LCORL: variants seen among roughly 807,000 people sequenced by gnomAD.
The protein encoded by LCORL is ligand dependent nuclear receptor corepressor like, also known as ligand-dependent nuclear receptor corepressor-like protein.
A neutral mutation model predicts 141.8 loss-of-function variants in LCORL; 41 were observed. The ratio of observed to expected loss-of-function variants is 0.29; its 90% CI spans 0.23 to 0.38. The LOEUF is 0.38. Ranked by LOEUF, LCORL falls within the 10% of genes least tolerant of loss-of-function variation. The pLI, the probability that LCORL is intolerant of heterozygous loss-of-function variation, is 1.00. For synonymous variants in LCORL, 618 were observed against 694.1 expected (o/e 0.89, Z 1.72); for missense variants, 1,759 against 2,035.0 (o/e 0.86, Z 2.61).
At chr4:17,888,326 AG>A (rs1412806984) in intron 5 of LCORL, among the ~76,000 whole-genome samples, 1 of 152,044 alleles carries the variant, frequency 6.6e-6, no homozygotes, top group Non-Finnish European at 1.5e-5. Context: ...TATTAAATAC[AG>A]TTTATTGCCC....
At position 18,014,753 on chromosome 4, in the gene LCORL, A is replaced by T. The variant is rs141364125; in HGVS notation, c.154+6845T>A. 2.4e-4 allele frequency among the ~76,000 whole-genome samples: 36 copies of T among 152,348 alleles called. 1 individual carries two copies. Among genetic ancestry groups the T allele is most frequent in the African/African-American group, 8.4e-4 (35 of 41,584 alleles). Reference sequence around the variant, plus strand: ...AAAGTGGTATTCTTCAAATACAAAGATGGCATTAGTTTGTTAATCAGTTTT... The same window carrying T: ...AAAGTGGTATTCTTCAAATACAAAGTTGGCATTAGTTTGTTAATCAGTTTT... On this transcript the variant is annotated intron_variant, in intron 1 of 7. Coordinates refer to ENST00000635767, the Ensembl canonical transcript of LCORL.
At chr4:17,972,620 A>G (rs575967421) in intron 2 of LCORL, among the ~76,000 whole-genome samples, 200 bp downstream of exon 2, 5 of 151,774 alleles carry the variant, frequency 3.3e-5, no homozygotes, top group African/African-American at 9.6e-5. Flanking sequence ...TTTATTTTCT[A>G]TTTTGATTTA....
chr4:17,955,577 T>C (rs4057984), intron 4 of LCORL, among the ~76,000 whole-genome samples: 36,094 of 151,956 alleles, frequency 0.24, 5,472 homozygotes, highest in African/African-American at 0.43. Context: ...GATTGTTCTA[T>C]AAAAAGGAAG....
exon 7 of LCORL, chr4:17,877,560 G>A: frequency 8.1e-7 from 1 of 1,230,524 alleles, no homozygotes; most frequent in African/African-American, 1.6e-5. Flanking sequence ...TGTGAGAGAT[G>A]GAGGCTGGTT....
Position 17,876,143 on chromosome 4 carries a change from T to C in LCORL, c.2847A>G (p.Glu949=), listed in dbSNP as rs536591994. The C allele has an allele frequency of 4.9e-4, 606 of 1,230,972 alleles. 1 individual carries two copies. The Middle Eastern group carries it at 6.2e-3, about 13-fold the overall frequency. 76.3% of individuals were successfully genotyped at this position (1,230,972 alleles called of 1,614,324 possible). A position where few individuals can be genotyped will look rare whatever the true frequency, so the allele number is the denominator to read the frequency against. The change falls in exon 7 of 8, where the codon GAA becomes GAG. Residue 949 remains glutamate (E), a synonymous_variant. Coordinates refer to ENST00000635767, the Ensembl canonical transcript of LCORL. ...TAGAATAGTTGGAAACAGATGAACT[T>C]TCAGTACCTTCATATTTTGCTGGTA...
chr4:17,989,751 A>C (rs181816652), intron 1 of LCORL, among the ~76,000 whole-genome samples: 43 of 152,374 alleles, frequency 2.8e-4, no homozygotes, highest in Non-Finnish European at 4.6e-4. Flanking sequence ...ATATAACAAA[A>C]GACCACAAAC....
At chr4:17,910,642 T>C (rs1732373715) in intron 4 of LCORL, among the ~76,000 whole-genome samples, 1 of 152,042 alleles carries the variant, frequency 6.6e-6, no homozygotes, top group Non-Finnish European at 1.5e-5. Flanking sequence ...GGCTGTAAAA[T>C]ACAAGAAGGT....
chr4:18,005,443 C>T (rs548080596), intron 1 of LCORL, among the ~76,000 whole-genome samples: 5 of 152,258 alleles, frequency 3.3e-5, no homozygotes, highest in East Asian at 3.9e-4. Context: ...GTCTGAAGGA[C>T]GATGGCCCTC....
intron 4 of LCORL, chr4:17,912,863 G>A (rs1419398794): frequency 9.0e-6 from 4 of 446,034 alleles, no homozygotes; most frequent in African/African-American, 3.9e-5. Flanking sequence ...TTCAATCTTG[G>A]TGATGCCCTG....
intron 7 of LCORL, among the ~76,000 whole-genome samples, chr4:17,859,154 T>A (rs1015587711): frequency 2.6e-5 from 4 of 152,202 alleles, no homozygotes; most frequent in Admixed American, 1.3e-4. Flanking sequence ...GTAAGTTACA[T>A]GAGATAGTCA....
intron 4 of LCORL, among the ~76,000 whole-genome samples, chr4:17,939,391 A>T (rs1737444252): frequency 6.6e-6 from 1 of 152,196 alleles, no homozygotes; most frequent in Admixed American, 6.5e-5. Flanking sequence ...TTCATATTAG[A>T]TAATATAAAT....
intron 7 of LCORL, among the ~76,000 whole-genome samples, chr4:17,856,404 T>G (rs1406116117): frequency 1.3e-5 from 2 of 152,186 alleles, no homozygotes; most frequent in African/African-American, 4.8e-5. Context: ...CTCTGCCATG[T>G]GAGGACACAG....
chr4:17,937,257 T>C lies in LCORL; in HGVS notation c.430+24646A>G, dbSNP rs544780430. Among the ~76,000 whole-genome samples the C allele has an allele frequency of 4.6e-5, 7 of 152,286 alleles. No individual in the cohort carries two copies. The South Asian group carries it at 1.4e-3, about 32-fold the overall frequency. On this transcript the variant is annotated intron_variant, in intron 4 of 7. Coordinates refer to ENST00000635767, the Ensembl canonical transcript of LCORL. Reference sequence around the variant, plus strand: ...GTTTTTCTAGCACATTGTAATATGCTTCCACTGCTAGATACAACTCAACGA... The same window carrying C: ...GTTTTTCTAGCACATTGTAATATGCCTCCACTGCTAGATACAACTCAACGA...
chr4:17,850,122 A>G (rs1420646784), intron 7 of LCORL, among the ~76,000 whole-genome samples: 1 of 147,026 alleles, frequency 6.8e-6, no homozygotes, highest in Non-Finnish European at 1.5e-5. Context: ...CCTTATACAA[A>G]AATCAATTCA....
chr4:17,941,914 T>G (rs1267959906), intron 4 of LCORL, among the ~76,000 whole-genome samples: 1 of 152,030 alleles, frequency 6.6e-6, no homozygotes, highest in African/African-American at 2.4e-5. Context: ...CATAAATCTC[T>G]GAACCATCAG....
intron 6 of LCORL, chr4:17,883,188 C>T (rs894105796): frequency 8.5e-5 from 83 of 981,136 alleles, no homozygotes; most frequent in Non-Finnish European, 9.8e-5. Context: ...AATGCACTGT[C>T]GTGTACTAAT....
intron 4 of LCORL, among the ~76,000 whole-genome samples, chr4:17,961,468 A>G (rs1470120287): frequency 6.6e-6 from 1 of 152,098 alleles, no homozygotes; most frequent in Non-Finnish European, 1.5e-5. Context: ...ATAGCAAGTC[A>G]GCAAATATAC....
At chr4:17,958,152 G>A (rs1458539263) in intron 4 of LCORL, among the ~76,000 whole-genome samples, 1 of 151,854 alleles carries the variant, frequency 6.6e-6, no homozygotes, top group Non-Finnish European at 1.5e-5. Flanking sequence ...ATAAAACCTG[G>A]CTATCAATTA....
intron 1 of LCORL, among the ~76,000 whole-genome samples, chr4:18,009,217 A>T (rs1336310894): frequency 2.0e-5 from 3 of 151,902 alleles, no homozygotes; most frequent in Non-Finnish European, 2.9e-5. Flanking sequence ...AATTTTCCCT[A>T]CTTTCATATT....
Sources: allele counts gnomAD v4.1 joint callset (sites outside exome capture counted in the v4.1 genomes callset), GRCh38; gene constraint gnomAD v4.1.1; transcripts MANE v1.5; gene names NCBI Gene and HGNC (gene_info 2026-07-23, HGNC 2026-07-21).